The following MAJIN variants were observed in gnomAD, a reference collection of about 807,000 sequenced individuals.
MAJIN encodes membrane anchored junction protein, also known as membrane-anchored junction protein.
A neutral mutation model predicts 30.2 loss-of-function variants in MAJIN; 27 were observed. That is an observed-to-expected ratio of 0.89 (90% CI 0.66 to 1.23). The LOEUF (loss-of-function observed/expected upper bound fraction) is 1.23. Ranked by LOEUF, MAJIN falls within the 50% of genes most tolerant of loss-of-function variation. MAJIN has a pLI of 0.00. For missense variants in MAJIN, 253 were observed against 260.3 expected (o/e 0.97, Z 0.19); for synonymous variants, 78 against 91.6 (o/e 0.85, Z 0.85).
At chr11:64,943,053 A>G (rs1339281184) in intron 8 of MAJIN, among the ~76,000 whole-genome samples, 2 of 152,156 alleles carry the variant, frequency 1.3e-5, no homozygotes, top group Non-Finnish European at 2.9e-5. Flanking sequence ...GTCATAAGAG[A>G]GAGAAAACAT....
chr11:64,971,396 C>G (rs1379854844), intron 1 of MAJIN, among the ~76,000 whole-genome samples: 1 of 146,828 alleles, frequency 6.8e-6, no homozygotes, highest in African/African-American at 2.5e-5. Flanking sequence ...CCACTGAACT[C>G]CAGCCTGGGC....
intron 6 of MAJIN, 85 bp from the exon 7 acceptor site, chr11:64,947,904 G>T: frequency 7.8e-7 from 1 of 1,274,742 alleles, no homozygotes; most frequent in Non-Finnish European, 1.1e-6. Flanking sequence ...CTGTCACCCA[G>T]ACTGGAGTGC....
chr11:64,960,034 C>T (rs897340367), intron 2 of MAJIN, 55 bp downstream of exon 2: 1 of 152,298 alleles, frequency 6.6e-6, no homozygotes, highest in African/African-American at 2.4e-5. Flanking sequence ...TCCTTTCCCC[C>T]ACTTGTGAGG....
chr11:64,970,092 A>C (rs1338886787), intron 1 of MAJIN, among the ~76,000 whole-genome samples: 1 of 152,078 alleles, frequency 6.6e-6, no homozygotes, highest in African/African-American at 2.4e-5. Flanking sequence ...GGCCAGGCGC[A>C]GTGACACTTG....
chr11:64,965,596 C>T (rs971914212), intron 1 of MAJIN, among the ~76,000 whole-genome samples: 6 of 152,148 alleles, frequency 3.9e-5, no homozygotes, highest in African/African-American at 1.4e-4. Flanking sequence ...AATGCAATAG[C>T]GTCTCACCTC....
Position 64,966,145 on chromosome 11 carries a change from G to GAAAAAAAAAAAAAAAAAAAAAAAA in MAJIN, c.-65+5731_-65+5732insTTTTTTTTTTTTTTTTTTTTTTTT, listed in dbSNP as rs58387921. On this transcript the variant is annotated intron_variant, in intron 1 of 10. Coordinates refer to ENST00000301896, the MANE Select transcript of MAJIN (RefSeq NM_001037225.3). The stretch of plus-strand genomic sequence containing the variant: ...ACATGTAAGGAAGAAGATTAAAAAT[G>GAAAAAAAAAAAAAAAAAAAAAAAA]AAAAAAAAAAAAAAAAAAAAGCAGC... Among the ~76,000 whole-genome samples the GAAAAAAAAAAAAAAAAAAAAAAAA allele has an allele frequency of 3.6e-3, 204 of 57,004 alleles. 29 individuals are homozygous for GAAAAAAAAAAAAAAAAAAAAAAAA. The highest frequency in any genetic ancestry group is 4.3e-3 in the Non-Finnish European group (143 of 33,356). 37.4% of individuals were successfully genotyped at this position (57,004 alleles called of 152,430 possible). A position where few individuals can be genotyped will look rare whatever the true frequency, so the allele number is the denominator to read the frequency against.
chr11:64,953,409 T>C (rs1945584713), intron 4 of MAJIN, among the ~76,000 whole-genome samples: 2 of 152,192 alleles, frequency 1.3e-5, no homozygotes, highest in African/African-American at 4.8e-5. Flanking sequence ...AAAGTCTGTG[T>C]TCCCTCCTCT....
At chr11:64,971,754 CA>C (rs916444578) in intron 1 of MAJIN, 122 bp downstream of exon 1, 2 of 152,272 alleles carry the variant, frequency 1.3e-5, no homozygotes, top group African/African-American at 4.8e-5. Context: ...AAAGGGACCT[CA>C]GGGGGCAGGG....
intron 3 of MAJIN, 103 bp from the exon 4 acceptor site, chr11:64,954,905 C>A: frequency 9.7e-7 from 1 of 1,029,934 alleles, no homozygotes; most frequent in Non-Finnish European, 1.4e-6. Context: ...GCTAAAGAAA[C>A]ATGACATAAG....
At chr11:64,948,133 C>T (rs186059442) in intron 6 of MAJIN, among the ~76,000 whole-genome samples, 13 of 152,096 alleles carry the variant, frequency 8.5e-5, no homozygotes, top group Non-Finnish European at 1.8e-4. Context: ...AGTGAGCCAC[C>T]AGGCCTAGCC....
At chr11:64,947,706 G>A in intron 7 of MAJIN, 82 bp downstream of exon 7, 2 of 1,447,992 alleles carry the variant, frequency 1.4e-6, no homozygotes, top group South Asian at 2.3e-5. Flanking sequence ...GCAAAGTAAG[G>A]GGAAGAGGCA....
chr11:64,963,922 T>C (rs1259387579), intron 1 of MAJIN, among the ~76,000 whole-genome samples: 1 of 152,040 alleles, frequency 6.6e-6, no homozygotes, highest in African/African-American at 2.4e-5. Context: ...AGAAATGAGA[T>C]TGAGGACAGA....
intron 3 of MAJIN, among the ~76,000 whole-genome samples, chr11:64,955,230 T>C (rs1305297548): frequency 6.6e-6 from 1 of 152,150 alleles, no homozygotes; most frequent in Non-Finnish European, 1.5e-5. Context: ...ATCTAGCCAG[T>C]TGCACTAGGC....
intron 3 of MAJIN, among the ~76,000 whole-genome samples, chr11:64,955,739 T>C (rs1190382487): frequency 6.6e-6 from 1 of 152,238 alleles, no homozygotes. Context: ...CGTCAACACT[T>C]TTAAGACTGT....
intron 8 of MAJIN, among the ~76,000 whole-genome samples, chr11:64,945,240 C>T (rs1270051666): frequency 1.3e-5 from 2 of 152,072 alleles, no homozygotes; most frequent in African/African-American, 4.8e-5. Flanking sequence ...CGCCTGTAGT[C>T]CCAGCTACTC....
intron 3 of MAJIN, 39 bp from the exon 4 acceptor site, chr11:64,954,841 G>C: frequency 6.4e-7 from 1 of 1,560,952 alleles, no homozygotes; most frequent in Non-Finnish European, 8.7e-7. Flanking sequence ...AAGACATGAA[G>C]GAAAGCTCTG....
chr11:64,954,311 G>A (rs1945598639), intron 4 of MAJIN: 2 of 263,902 alleles, frequency 7.6e-6, no homozygotes, highest in South Asian at 3.9e-5. Context: ...AAATGAAGTC[G>A]GAATAAGGCA....
chr11:64,966,260 C>T (rs115419124), intron 1 of MAJIN, among the ~76,000 whole-genome samples: 247 of 151,120 alleles, frequency 1.6e-3, no homozygotes, highest in African/African-American at 5.7e-3. Context: ...TACAGCCAGG[C>T]ACAGTGGCTC....
intron 8 of MAJIN, among the ~76,000 whole-genome samples, chr11:64,945,358 AAAAC>A (rs553488909): frequency 2.6e-5 from 4 of 151,998 alleles, no homozygotes; most frequent in South Asian, 4.2e-4. Context: ...ACTGTGTCTC[AAAAC>A]AAACAAACAA....
Sources: allele counts gnomAD v4.1 joint callset (sites outside exome capture counted in the v4.1 genomes callset), GRCh38; gene constraint gnomAD v4.1.1; transcripts MANE v1.5; gene names NCBI Gene and HGNC (gene_info 2026-07-23, HGNC 2026-07-21).